PPP3CA: variants seen among roughly 807,000 people sequenced by gnomAD.
The protein encoded by PPP3CA is protein phosphatase 3 catalytic subunit alpha, also known as CAM-PRP catalytic subunit.
In PPP3CA, 14 loss-of-function variants were observed where a neutral mutation model predicts 66.5. The ratio of observed to expected loss-of-function variants is 0.21; its 90% CI spans 0.14 to 0.33. PPP3CA has a LOEUF of 0.33. PPP3CA is among the 10% of genes least tolerant of loss of function. PPP3CA has a pLI of 1.00. For synonymous variants in PPP3CA, 232 were observed against 226.2 expected (o/e 1.03, Z -0.23); for missense variants, 317 against 639.5 (o/e 0.50, Z 5.44).
chr4:101,293,487 C>T (rs1478595868), intron 1 of PPP3CA, among the ~76,000 whole-genome samples: 1 of 152,188 alleles, frequency 6.6e-6, no homozygotes, highest in African/African-American at 2.4e-5. Context: ...TTACCTATTC[C>T]AATAAGAGTG....
chr4:101,277,194 T>C (rs912638452), intron 1 of PPP3CA, among the ~76,000 whole-genome samples: 1 of 152,294 alleles, frequency 6.6e-6, no homozygotes. Context: ...CACTTACCAA[T>C]TGACATCTAA....
At chr4:101,294,837 C>A (rs1225783470) in intron 1 of PPP3CA, among the ~76,000 whole-genome samples, 1 of 151,400 alleles carries the variant, frequency 6.6e-6, no homozygotes, top group Non-Finnish European at 1.5e-5. Flanking sequence ...CATTGCGAAA[C>A]CCACCCGCTT....
chr4:101,247,211 G>C (rs1726514627), intron 1 of PPP3CA, among the ~76,000 whole-genome samples: 1 of 151,712 alleles, frequency 6.6e-6, no homozygotes, highest in Non-Finnish European at 1.5e-5. Flanking sequence ...ACCCAGGCTG[G>C]AGTGCAGTGG....
At chr4:101,296,770 A>C (rs999415755) in intron 1 of PPP3CA, among the ~76,000 whole-genome samples, 17 of 152,188 alleles carry the variant, frequency 1.1e-4, no homozygotes, top group African/African-American at 4.1e-4. Flanking sequence ...TTATGCATAC[A>C]TGATTATAAT....
chr4:101,284,229 G>A (rs768900222), intron 1 of PPP3CA, among the ~76,000 whole-genome samples: 3 of 152,070 alleles, frequency 2.0e-5, no homozygotes, highest in Non-Finnish European at 1.5e-5. Flanking sequence ...GAAGTATAAC[G>A]GTAACTTTCT....
intron 6 of PPP3CA, among the ~76,000 whole-genome samples, chr4:101,090,585 T>A (rs1161928623): frequency 7.5e-6 from 1 of 132,822 alleles, no homozygotes; most frequent in Admixed American, 9.0e-5. Flanking sequence ...GAGGTTGTGG[T>A]GAGCCGAGAT....
chr4:101,206,237 C>T (rs1167799228), intron 1 of PPP3CA, among the ~76,000 whole-genome samples: 1 of 152,206 alleles, frequency 6.6e-6, no homozygotes, highest in Non-Finnish European at 1.5e-5. Flanking sequence ...CTCCCCAAAT[C>T]ATAATCTTCA....
At chr4:101,061,041 T>C (rs1355152246) in intron 10 of PPP3CA, 46 bp downstream of exon 10, 2 of 1,485,724 alleles carry the variant, frequency 1.3e-6, no homozygotes, top group African/African-American at 2.8e-5. Context: ...AGACTCTAAG[T>C]AATTATCTGG....
intron 1 of PPP3CA, among the ~76,000 whole-genome samples, chr4:101,322,598 C>A (rs181293420): frequency 6.6e-6 from 1 of 151,986 alleles, no homozygotes; most frequent in African/African-American, 2.4e-5. Flanking sequence ...TTAGAAGAGA[C>A]CGGGTTTCAC....
intron 2 of PPP3CA, among the ~76,000 whole-genome samples, chr4:101,184,187 G>A (rs765133792): frequency 3.3e-5 from 5 of 152,138 alleles, no homozygotes; most frequent in South Asian, 2.1e-4. Flanking sequence ...GACTATGCTC[G>A]TTAGTTGTGA....
chr4:101,106,035 C>A (rs559923175), intron 3 of PPP3CA, among the ~76,000 whole-genome samples: 2 of 152,050 alleles, frequency 1.3e-5, no homozygotes, highest in African/African-American at 4.8e-5. Flanking sequence ...TTCTACATAA[C>A]CCAGGCCAGA....
chr4:101,182,518 A>T (rs1724270304), intron 2 of PPP3CA, among the ~76,000 whole-genome samples: 1 of 152,172 alleles, frequency 6.6e-6, no homozygotes, highest in Admixed American at 6.6e-5. Flanking sequence ...CCTCAGATAG[A>T]TCAAATTACT....
intron 1 of PPP3CA, among the ~76,000 whole-genome samples, chr4:101,317,253 AACACACACACAC>A (rs3840161): frequency 4.8e-5 from 7 of 145,312 alleles, no homozygotes; most frequent in Non-Finnish European, 1.1e-4. Flanking sequence ...CGGTACTCCC[AACACACACACAC>A]ACACACACAC....
At chr4:101,208,288 T>C (rs1725197147) in intron 1 of PPP3CA, among the ~76,000 whole-genome samples, 1 of 151,518 alleles carries the variant, frequency 6.6e-6, no homozygotes, top group South Asian at 2.1e-4. Context: ...AACAATGGAG[T>C]TGTATTTTGT....
chr4:101,109,837 C>T (rs1476572076), intron 2 of PPP3CA, among the ~76,000 whole-genome samples: 1 of 151,972 alleles, frequency 6.6e-6, no homozygotes, highest in Non-Finnish European at 1.5e-5. Context: ...CTTGGAAGAG[C>T]TATTTTGTCT....
At chr4:101,179,942 A>T (rs1415381937) in intron 2 of PPP3CA, among the ~76,000 whole-genome samples, 2 of 152,110 alleles carry the variant, frequency 1.3e-5, no homozygotes, top group Non-Finnish European at 2.9e-5. Context: ...TACATGTAAA[A>T]TATTATTTAT....
At chr4:101,296,278 T>C (rs1728196033) in intron 1 of PPP3CA, among the ~76,000 whole-genome samples, 1 of 152,168 alleles carries the variant, frequency 6.6e-6, no homozygotes, top group Non-Finnish European at 1.5e-5. Context: ...TAATTCACAG[T>C]GGAACATAGA....
At chr4:101,241,233 A>G (rs922690117) in intron 1 of PPP3CA, among the ~76,000 whole-genome samples, 7 of 152,116 alleles carry the variant, frequency 4.6e-5, no homozygotes, top group Admixed American at 4.6e-4. Flanking sequence ...CATTCTTGCA[A>G]TGAGGTAAAC....
intron 1 of PPP3CA, among the ~76,000 whole-genome samples, chr4:101,237,542 T>C (rs1160228810): frequency 6.6e-6 from 1 of 152,106 alleles, no homozygotes; most frequent in African/African-American, 2.4e-5. Flanking sequence ...ATTTTACCTA[T>C]AGCTTCATAA....
Sources: gnomAD v4.1 joint callset for allele counts (sites outside exome capture counted in the v4.1 genomes callset) on GRCh38, gnomAD v4.1.1 for gene constraint, MANE v1.5 for transcripts, NCBI Gene and HGNC (gene_info 2026-07-23, HGNC 2026-07-21) for gene names.